Variants in MAML2 observed in about 807,000 individuals in gnomAD.
MAML2 encodes mastermind-like protein 2.
In MAML2, 22 loss-of-function variants were observed where a neutral mutation model predicts 96.1. That is an observed-to-expected ratio of 0.23 (90% CI 0.16 to 0.33). MAML2 has a LOEUF of 0.33. Among genes scored for constraint, MAML2 ranks in the 10% least tolerant of loss-of-function variants. MAML2 has a pLI of 1.00. For synonymous variants in MAML2, 561 were observed against 521.3 expected (o/e 1.08, Z -1.04); for missense variants, 1,367 against 1,392.4 (o/e 0.98, Z 0.29).
At chr11:96,197,361 A>C (rs480544) in intron 1 of MAML2, among the ~76,000 whole-genome samples, 131,622 of 152,138 alleles carry the variant, frequency 0.87, 57,470 homozygotes, top group Middle Eastern at 0.97. Context: ...CCTTAGTAAT[A>C]CTGACCTCCA....
intron 2 of MAML2, among the ~76,000 whole-genome samples, chr11:96,009,629 T>G (rs1390444988): frequency 6.6e-6 from 1 of 152,184 alleles, no homozygotes; most frequent in African/African-American, 2.4e-5. Flanking sequence ...CTTCAGAAGG[T>G]AGAAGAAAAC....
In MAML2 at chr11:96,113,737, A is replaced by G. The variant is rs147750400; in HGVS notation, c.514-20220T>C. 1.3e-3 allele frequency among the ~76,000 whole-genome samples: 198 copies of G among 152,306 alleles called. 1 individual carries two copies. The highest frequency in any genetic ancestry group is 6.8e-3 in the Middle Eastern group (2 of 294). On this transcript the variant is annotated intron_variant, in intron 1 of 4. Transcript: ENST00000524717. ...CCAGGGTGTTTGGCCCCTAGGGAAC[A>G]TAGACTACTCTCTCCCCCATCTCTT...
At chr11:96,226,187 T>G (rs1862207597) in intron 1 of MAML2, among the ~76,000 whole-genome samples, 1 of 152,168 alleles carries the variant, frequency 6.6e-6, no homozygotes, top group East Asian at 1.9e-4. Flanking sequence ...GCCTAAAAAG[T>G]TATTTAAGAA....
intron 1 of MAML2, among the ~76,000 whole-genome samples, chr11:96,172,854 T>G (rs1861318928): frequency 6.6e-6 from 1 of 152,222 alleles, no homozygotes; most frequent in South Asian, 2.1e-4. Flanking sequence ...GCAGAACACA[T>G]GTGTACAGAT....
intron 1 of MAML2, among the ~76,000 whole-genome samples, chr11:96,299,060 A>AAAATATATATATATATATATAT (rs55878534): frequency 9.1e-4 from 51 of 56,306 alleles, no homozygotes; most frequent in African/African-American, 1.6e-3. Flanking sequence ...AAAAAAAAAA[A>AAAATATATATATATATATATAT]ATATATATAT....
chr11:96,130,870 T>A (rs1390548075), intron 1 of MAML2, among the ~76,000 whole-genome samples: 2 of 152,084 alleles, frequency 1.3e-5, no homozygotes, highest in Admixed American at 6.5e-5. Context: ...CTACACCAAT[T>A]GTCTAGGACC....
At chr11:96,314,484 C>T (rs1203450890) in intron 1 of MAML2, among the ~76,000 whole-genome samples, 2 of 152,240 alleles carry the variant, frequency 1.3e-5, no homozygotes, top group African/African-American at 4.8e-5. Context: ...GCCTCACCCA[C>T]TCCCAGACAA....
intron 1 of MAML2, among the ~76,000 whole-genome samples, chr11:96,222,548 C>G (rs1184340160): frequency 6.6e-6 from 1 of 152,154 alleles, no homozygotes; most frequent in Non-Finnish European, 1.5e-5. Flanking sequence ...ATTAACTTGT[C>G]AAGTCTTTCC....
chr11:96,051,308 A>C (rs1858986238), intron 2 of MAML2, among the ~76,000 whole-genome samples: 1 of 152,212 alleles, frequency 6.6e-6, no homozygotes, highest in Non-Finnish European at 1.5e-5. Flanking sequence ...TATATTGATC[A>C]TTAGTAATAC....
chr11:96,252,912 G>A (rs1245443306), intron 1 of MAML2, among the ~76,000 whole-genome samples: 1 of 152,174 alleles, frequency 6.6e-6, no homozygotes, highest in East Asian at 1.9e-4. Flanking sequence ...TCCCTTGCCT[G>A]GTTAAAGGGC....
At chr11:96,293,389 C>T (rs1491000719) in intron 1 of MAML2, among the ~76,000 whole-genome samples, 1 of 152,126 alleles carries the variant, frequency 6.6e-6, no homozygotes, top group Non-Finnish European at 1.5e-5. Flanking sequence ...TTGAAATCAT[C>T]CAGCAGAATG....
At chr11:96,006,748 T>C (rs1858184019) in intron 2 of MAML2, among the ~76,000 whole-genome samples, 2 of 151,152 alleles carry the variant, frequency 1.3e-5, no homozygotes, top group South Asian at 4.2e-4. Flanking sequence ...TTAGTAGAGA[T>C]GGGGTTTCAC....
chr11:96,111,232 AC>A lies in MAML2; in HGVS notation c.514-17716del, dbSNP rs371224070. Among the ~76,000 whole-genome samples the A allele has an allele frequency of 4.0e-3, 610 of 152,106 alleles. 6 individuals are homozygous for A. The highest frequency in any genetic ancestry group is 0.014 in the African/African-American group (579 of 41,466). On this transcript the variant is annotated intron_variant, in intron 1 of 4. Transcript: ENST00000524717. The stretch of plus-strand genomic sequence containing the variant: ...TAAACTTTCAATATCATTAAGTAAC[AC>A]CCTTTTTTCCTCCATGATAGCTAGT...
intron 1 of MAML2, among the ~76,000 whole-genome samples, chr11:96,190,553 C>T (rs1052551408): frequency 6.6e-6 from 1 of 152,140 alleles, no homozygotes; most frequent in African/African-American, 2.4e-5. Context: ...GTGTTGATGA[C>T]TTAGTGAAAT....
chr11:96,103,075 C>T (rs536787487), intron 1 of MAML2, among the ~76,000 whole-genome samples: 4 of 152,180 alleles, frequency 2.6e-5, no homozygotes, highest in Non-Finnish European at 5.9e-5. Flanking sequence ...GGGCATACCT[C>T]AAGGTCCATC....
intron 1 of MAML2, among the ~76,000 whole-genome samples, chr11:96,179,408 C>A (rs908855777): frequency 6.6e-6 from 1 of 152,182 alleles, no homozygotes; most frequent in Non-Finnish European, 1.5e-5. Context: ...TCCAGTCCTT[C>A]CTTATTTCTT....
At chr11:96,269,667 T>C (rs115760450) in intron 1 of MAML2, among the ~76,000 whole-genome samples, 6,743 of 143,670 alleles carry the variant, frequency 0.047, 907 homozygotes, top group South Asian at 0.09. Flanking sequence ...CATGCCACTA[T>C]ACTCAGCTAA....
intron 2 of MAML2, among the ~76,000 whole-genome samples, chr11:96,070,810 C>T (rs924547634): frequency 6.6e-6 from 1 of 152,254 alleles, no homozygotes; most frequent in Non-Finnish European, 1.5e-5. Flanking sequence ...CCTGAAAGGC[C>T]ACACCTCAAG....
intron 2 of MAML2, among the ~76,000 whole-genome samples, chr11:96,085,472 C>A (rs1461304678): frequency 6.6e-6 from 1 of 152,180 alleles, no homozygotes; most frequent in Non-Finnish European, 1.5e-5. Context: ...TAACAACTGA[C>A]ATCTGATTAG....
Sources: allele counts gnomAD v4.1 joint callset (sites outside exome capture counted in the v4.1 genomes callset), GRCh38; gene constraint gnomAD v4.1.1; transcripts MANE v1.5; gene names NCBI Gene and HGNC (gene_info 2026-07-23, HGNC 2026-07-21).